The following HEATR4 variants were observed in gnomAD, a reference collection of about 807,000 sequenced individuals.
HEATR4 encodes HEAT repeat containing 4.
A neutral mutation model predicts 108.8 loss-of-function variants in HEATR4; 95 were observed. The observed-to-expected ratio is 0.87, with a 90% CI of 0.74 to 1.04. The LOEUF (loss-of-function observed/expected upper bound fraction) is 1.04. Ranked by LOEUF, HEATR4 falls within the 50% of genes least tolerant of loss-of-function variation. The probability of loss-of-function intolerance (pLI) is 0.00; values close to 1 mark genes in which losing one functional copy is unlikely to be tolerated. For synonymous variants in HEATR4, 443 were observed against 459.4 expected (o/e 0.96, Z 0.46); for missense variants, 1,152 against 1,253.8 (o/e 0.92, Z 1.23).
intron 17 of HEATR4, chr14:73,491,073 G>C: frequency 6.3e-7 from 1 of 1,595,526 alleles, no homozygotes; most frequent in Middle Eastern, 1.7e-4. Context: ...CCGAAGCGCC[G>C]GCGCAAGCCC....
intron 2 of HEATR4, among the ~76,000 whole-genome samples, chr14:73,524,117 C>T (rs1215338343): frequency 1.3e-5 from 2 of 151,404 alleles, no homozygotes; most frequent in Non-Finnish European, 2.9e-5. Context: ...ATGGTGAAAT[C>T]CCATCTCTAC....
the HEATR4 span, among the ~76,000 whole-genome samples, chr14:73,611,968 A>G: frequency 4.0e-5 from 6 of 150,946 alleles, no homozygotes; most frequent in Admixed American, 3.3e-4. Flanking sequence ...ATCTCTCTCA[A>G]TCCTTTAGCT....
chr14:73,510,211 T>C (rs1474213847), intron 7 of HEATR4, among the ~76,000 whole-genome samples: 1 of 151,716 alleles, frequency 6.6e-6, no homozygotes, highest in Non-Finnish European at 1.5e-5. Flanking sequence ...CTTTATAATA[T>C]AGTGTTTTTA....
At position 73,500,713 on chromosome 14, in the gene HEATR4, C is replaced by T; in HGVS notation, c.2123G>A (p.Gly708Glu). 6.2e-7 allele frequency: 1 copy of T among 1,613,952 alleles called. No homozygotes were observed. The highest frequency in any genetic ancestry group is 8.5e-7 in the Non-Finnish European group (1 of 1,179,916). Reference sequence around the variant, plus strand: ...AGCTTCCACACGCTCCTGGGAATTTCCTTGACCTAGCTTGACCCTGTAAGG... The same window carrying T: ...AGCTTCCACACGCTCCTGGGAATTTTCTTGACCTAGCTTGACCCTGTAAGG... ...HDIIRVKLGQGNSQERVEALY... is the reference protein window; with the variant it reads ...HDIIRVKLGQENSQERVEALY... The change falls in exon 12 of 18, where the codon GGA (glycine) becomes GAA (glutamate). Residue 708 changes from glycine (G) to glutamate (E), a missense_variant. Coordinates refer to ENST00000553558, the MANE Select transcript of HEATR4 (RefSeq NM_001220484.1).
At chr14:73,499,823 G>T (rs984657567) in intron 12 of HEATR4, among the ~76,000 whole-genome samples, 1 of 152,184 alleles carries the variant, frequency 6.6e-6, no homozygotes, top group Non-Finnish European at 1.5e-5. Context: ...GGATTCAGGG[G>T]TGTGCTCTAG....
intron 5 of HEATR4, 85 bp downstream of exon 5, chr14:73,518,938 T>TCTAGCACATGAATAGTG (rs1199817850): frequency 6.5e-6 from 9 of 1,380,198 alleles, no homozygotes; most frequent in Non-Finnish European, 8.9e-6. Flanking sequence ...AACTGGGAGC[T>TCTAGCACATGAATAGTG]CTAGCACATG....
At chr14:73,627,988 T>C in the HEATR4 span, among the ~76,000 whole-genome samples, 1 of 152,310 alleles carries the variant, frequency 6.6e-6, no homozygotes, top group Admixed American at 6.5e-5. Flanking sequence ...TTTATATTTT[T>C]AGTAGAGACG....
At chr14:73,590,030 C>CA in the HEATR4 span, among the ~76,000 whole-genome samples, 5 of 152,106 alleles carry the variant, frequency 3.3e-5, no homozygotes, top group African/African-American at 4.8e-5. Flanking sequence ...AGTGCGGGCC[C>CA]AAAAACTGAG....
At chr14:73,597,154 G>T in the HEATR4 span, among the ~76,000 whole-genome samples, 1 of 151,918 alleles carries the variant, frequency 6.6e-6, no homozygotes, top group Admixed American at 6.6e-5. Context: ...CGCAATCTCA[G>T]CTCACTGCAA....
the HEATR4 span, among the ~76,000 whole-genome samples, chr14:73,601,335 G>A: frequency 1.3e-5 from 2 of 149,100 alleles, no homozygotes; most frequent in African/African-American, 2.6e-5. Context: ...AGGCTGAGGC[G>A]GACAGATCAC....
At chr14:73,518,950 A>G in intron 5 of HEATR4, 73 bp downstream of exon 5, 1 of 1,473,580 alleles carries the variant, frequency 6.8e-7, no homozygotes. Context: ...TAGCACATGA[A>G]TAGTGGGTAA....
At chr14:73,553,375 G>C (rs1361164097) in intron 1 of HEATR4, among the ~76,000 whole-genome samples, 1 of 112,160 alleles carries the variant, frequency 8.9e-6, no homozygotes, top group African/African-American at 2.9e-5. Context: ...GCTGGGCTTG[G>C]TAGCACTCGC....
At chr14:73,529,429 C>G (rs1422573566) in intron 2 of HEATR4, among the ~76,000 whole-genome samples, 1 of 151,552 alleles carries the variant, frequency 6.6e-6, no homozygotes, top group Non-Finnish European at 1.5e-5. Context: ...GAGCAACCCA[C>G]CAGCATTATC....
At chr14:73,579,821 G>A in the HEATR4 span, among the ~76,000 whole-genome samples, 1 of 151,914 alleles carries the variant, frequency 6.6e-6, no homozygotes, top group Admixed American at 6.6e-5. Context: ...GACCAGGCAC[G>A]GTAGCTCATG....
At chr14:73,574,393 T>A in the HEATR4 span, 2 of 199,966 alleles carry the variant, frequency 1.0e-5, no homozygotes, top group South Asian at 9.1e-5. Context: ...GCCTCCCACG[T>A]AGCTGTGACT....
intron 17 of HEATR4, among the ~76,000 whole-genome samples, chr14:73,480,407 T>G (rs1238334974): frequency 1.3e-5 from 2 of 152,174 alleles, no homozygotes; most frequent in Non-Finnish European, 2.9e-5. Context: ...GCCACTGTAC[T>G]CTAGCCTGGG....
chr14:73,523,293 A>G (rs919207179), intron 2 of HEATR4, 69 bp from the exon 3 acceptor site: 1 of 747,280 alleles, frequency 1.3e-6, no homozygotes, highest in Non-Finnish European at 2.1e-6. Flanking sequence ...ATAGCAGTTC[A>G]GAAAGAGAAT....
chr14:73,556,878 G>A (rs1181680084), intron 1 of HEATR4, among the ~76,000 whole-genome samples: 1 of 113,786 alleles, frequency 8.8e-6, no homozygotes, highest in Non-Finnish European at 1.9e-5. Context: ...TGGGCGCTTC[G>A]GGAAGAATTT....
the HEATR4 span, chr14:73,574,864 T>C: frequency 6.2e-7 from 1 of 1,613,018 alleles, no homozygotes; most frequent in East Asian, 2.2e-5. Context: ...TATTCCACTG[T>C]TTGTGGAATC....
Sources: gnomAD v4.1 joint callset for allele counts (sites outside exome capture counted in the v4.1 genomes callset) on GRCh38, gnomAD v4.1.1 for gene constraint, MANE v1.5 for transcripts, NCBI Gene and HGNC (gene_info 2026-07-23, HGNC 2026-07-21) for gene names.